The following ICE2 variants were observed in gnomAD, a reference collection of about 807,000 sequenced individuals.
The protein encoded by ICE2 is interactor of little elongation complex ELL subunit 2.
Under a neutral mutation model 105.4 loss-of-function variants are expected in ICE2, and 87 were observed. That is an observed-to-expected ratio of 0.83 (90% CI 0.69 to 0.99). The LOEUF (loss-of-function observed/expected upper bound fraction) is 0.99. Ranked by LOEUF, ICE2 falls within the 50% of genes least tolerant of loss-of-function variation. The probability of loss-of-function intolerance (pLI) is 0.00; values close to 1 mark genes in which losing one functional copy is unlikely to be tolerated. For synonymous variants in ICE2, 399 were observed against 392.0 expected (o/e 1.02, Z -0.21); for missense variants, 1,323 against 1,146.7 (o/e 1.15, Z -2.22).
chr15:60,445,120 T>C (rs1174831628), intron 11 of ICE2, among the ~76,000 whole-genome samples: 2 of 152,180 alleles, frequency 1.3e-5, no homozygotes, highest in East Asian at 1.9e-4. Context: ...ACTAAAATAA[T>C]TGAAGAACTG....
At chr15:60,424,044 A>AG (rs1385459581) in intron 15 of ICE2, among the ~76,000 whole-genome samples, 3 of 152,220 alleles carry the variant, frequency 2.0e-5, no homozygotes, top group Non-Finnish European at 4.4e-5. Context: ...GAGGTTGAAA[A>AG]GATAAATTAG....
intron 5 of ICE2, among the ~76,000 whole-genome samples, chr15:60,463,062 A>G (rs2064323265): frequency 1.3e-5 from 2 of 152,210 alleles, no homozygotes; most frequent in Non-Finnish European, 2.9e-5. Flanking sequence ...GCTTTGTGTT[A>G]GATGATTATG....
At chr15:60,447,779 T>TA (rs1224987153) in intron 11 of ICE2, 191 bp downstream of exon 11, 4 of 458,486 alleles carry the variant, frequency 8.7e-6, no homozygotes. Context: ...CATTTATGGC[T>TA]ACTATATACA....
At chr15:60,443,788 G>C (rs1240431327) in intron 11 of ICE2, among the ~76,000 whole-genome samples, 1 of 152,122 alleles carries the variant, frequency 6.6e-6, no homozygotes, top group African/African-American at 2.4e-5. Flanking sequence ...GCAAATAGGA[G>C]GTCGAGATAA....
chr15:60,452,777 T>C, intron 9 of ICE2: 1 of 769,254 alleles, frequency 1.3e-6, no homozygotes. Context: ...TTAGGTAATA[T>C]CATGATGCCC....
intron 15 of ICE2, among the ~76,000 whole-genome samples, chr15:60,424,054 G>C (rs2063285923): frequency 6.6e-6 from 1 of 152,088 alleles, no homozygotes; most frequent in East Asian, 1.9e-4. Flanking sequence ...AGATAAATTA[G>C]AAATCAAGGG....
At chr15:60,443,522 G>C (rs1269440753) in intron 11 of ICE2, among the ~76,000 whole-genome samples, 1 of 152,194 alleles carries the variant, frequency 6.6e-6, no homozygotes, top group African/African-American at 2.4e-5. Context: ...TGTTTCATGT[G>C]ATTTGCCCTT....
rs968201970 is a variant in ICE2 at position 60,448,242 on chromosome 15, C to T, written c.2120-97G>A. 40 of 772,894 alleles carry T rather than the reference C, an allele frequency of 5.2e-5. No homozygotes were observed. In the African/African-American group the frequency reaches 5.3e-4, roughly 10 times the overall value. The allele number at this position is 772,894 out of a possible 1,614,324, so 47.9% of individuals were successfully genotyped here. On this transcript the variant is annotated intron_variant, in intron 10 of 15. Coordinates refer to ENST00000261520, the MANE Select transcript of ICE2 (RefSeq NM_024611.6). Reference sequence around the variant, plus strand: ...CAATTAACTATTTTAAAACTTCTATCATCTTTAATTTTCTACTTCTCTGCC... The same window carrying T: ...CAATTAACTATTTTAAAACTTCTATTATCTTTAATTTTCTACTTCTCTGCC...
chr15:60,461,279 T>C (rs2064269800), intron 5 of ICE2, among the ~76,000 whole-genome samples: 1 of 151,962 alleles, frequency 6.6e-6, no homozygotes, highest in African/African-American at 2.4e-5. Context: ...TAAAAATACA[T>C]CACAAACTGG....
At chr15:60,474,685 T>C (rs2064706009) in intron 3 of ICE2, among the ~76,000 whole-genome samples, 1 of 152,238 alleles carries the variant, frequency 6.6e-6, no homozygotes, top group East Asian at 1.9e-4. Context: ...TACAGCTTTT[T>C]TGTTCCTTAT....
chr15:60,425,731 G>C (rs908744901), intron 15 of ICE2, among the ~76,000 whole-genome samples: 1 of 152,200 alleles, frequency 6.6e-6, no homozygotes, highest in African/African-American at 2.4e-5. Flanking sequence ...ATATGCAGAT[G>C]ATTTCTATTT....
At chr15:60,455,199 T>G (rs370528563) in intron 7 of ICE2, 37 bp from the exon 8 acceptor site, 1 of 1,546,532 alleles carries the variant, frequency 6.5e-7, no homozygotes, top group Admixed American at 2.1e-5. Context: ...TTGGTTATAC[T>G]TATTGAAAAT....
chr15:60,436,608 G>A (rs867646715), intron 12 of ICE2, among the ~76,000 whole-genome samples: 32 of 150,230 alleles, frequency 2.1e-4, no homozygotes, highest in Non-Finnish European at 1.3e-4. Flanking sequence ...CCATCTACTC[G>A]GAAGGCTGAG....
chr15:60,435,913 C>T (rs2063576858), intron 13 of ICE2, among the ~76,000 whole-genome samples: 1 of 151,866 alleles, frequency 6.6e-6, no homozygotes, highest in Admixed American at 6.6e-5. Flanking sequence ...GCAGAGGTTG[C>T]AGTGAGCCGA....
intron 2 of ICE2, 59 bp from the exon 3 acceptor site, chr15:60,476,226 A>G: frequency 9.6e-7 from 1 of 1,045,054 alleles, no homozygotes; most frequent in South Asian, 1.4e-5. Context: ...CTAGACTATG[A>G]CACATAATGG....
chr15:60,449,981 T>A (rs1465425787), intron 9 of ICE2, 140 bp from the exon 10 acceptor site: 1 of 667,856 alleles, frequency 1.5e-6, no homozygotes, highest in Non-Finnish European at 2.5e-6. Context: ...AAGGTTCTTG[T>A]TTAAGATGAC....
chr15:60,432,015 A>C, intron 13 of ICE2, 31 bp from the exon 14 acceptor site: 2 of 1,207,280 alleles, frequency 1.7e-6, no homozygotes, highest in Non-Finnish European at 2.4e-6. Context: ...ATGTAAAATT[A>C]AACTGCAAAA....
At chr15:60,466,436 T>G (rs1395648000) in intron 5 of ICE2, among the ~76,000 whole-genome samples, 158 bp downstream of exon 5, 3 of 152,228 alleles carry the variant, frequency 2.0e-5, no homozygotes, top group Non-Finnish European at 4.4e-5. Flanking sequence ...AGATGTTAGT[T>G]TTTCTACTAT....
chr15:60,453,410 T>C, intron 9 of ICE2, 193 bp downstream of exon 9: 3 of 1,374,950 alleles, frequency 2.2e-6, no homozygotes, highest in Non-Finnish European at 2.8e-6. Context: ...CTTTCATGTA[T>C]GAAAGGAGAA....
Sources: gnomAD v4.1 joint callset for allele counts (sites outside exome capture counted in the v4.1 genomes callset) on GRCh38, gnomAD v4.1.1 for gene constraint, MANE v1.5 for transcripts, NCBI Gene and HGNC (gene_info 2026-07-23, HGNC 2026-07-21) for gene names.